The following DAB1 variants were observed in gnomAD, a reference collection of about 807,000 sequenced individuals.
DAB1 encodes the protein DAB adaptor protein 1.
Under a neutral mutation model 64.6 loss-of-function variants are expected in DAB1, and 15 were observed. That is an observed-to-expected ratio of 0.23 (90% CI 0.16 to 0.36). The LOEUF is 0.36. Ranked by LOEUF, DAB1 falls within the 10% of genes least tolerant of loss-of-function variation. The pLI is 1.00. For missense variants in DAB1, 596 were observed against 706.7 expected (o/e 0.84, Z 1.78); for synonymous variants, 235 against 251.9 (o/e 0.93, Z 0.64).
At chr1:57,523,105 C>T (rs1276429870) in intron 7 of DAB1, among the ~76,000 whole-genome samples, 1 of 152,170 alleles carries the variant, frequency 6.6e-6, no homozygotes, top group Non-Finnish European at 1.5e-5. Context: ...GCCAATTCTT[C>T]TTAATAAACT....
chr1:57,877,545 A>ATTTTT (rs58070219), intron 1 of DAB1, among the ~76,000 whole-genome samples: 7 of 65,038 alleles, frequency 1.1e-4, no homozygotes, highest in African/African-American at 1.9e-4. Context: ...TAATTGATTT[A>ATTTTT]TTTTTTTTTT....
In DAB1 at chr1:57,655,295, T is replaced by C. The variant is rs149703189; in HGVS notation, n.552-5630A>G. ...CATCCATCTATCCAACCACTCATCA[T>C]ACATCCAACCCATCCATCTATTCAT... On this transcript the variant is annotated intron_variant and non_coding_transcript_variant, in intron 6 of 20. Coordinates refer to the DAB1 transcript ENST00000485760. 4.9e-3 allele frequency among the ~76,000 whole-genome samples: 751 copies of C among 152,076 alleles called. 10 individuals carry two copies. The highest frequency in any genetic ancestry group is 0.017 in the African/African-American group (706 of 41,490).
intron 2 of DAB1, among the ~76,000 whole-genome samples, chr1:57,218,294 A>C (rs772986712): frequency 2.3e-4 from 35 of 152,140 alleles, no homozygotes; most frequent in Admixed American, 6.5e-5. Context: ...CTGGCCTCTC[A>C]AAATCCCACC....
chr1:58,305,830 C>T (rs947943517), intron 4 of DAB1, among the ~76,000 whole-genome samples: 2 of 152,168 alleles, frequency 1.3e-5, no homozygotes, highest in Non-Finnish European at 2.9e-5. Context: ...ATGCCTTGAA[C>T]AGGCCACATG....
intron 5 of DAB1, among the ~76,000 whole-genome samples, chr1:58,018,339 T>C (rs531437906): frequency 1.3e-5 from 2 of 152,284 alleles, no homozygotes; most frequent in East Asian, 1.9e-4. Flanking sequence ...TAACCTGTCC[T>C]AATGTCCCCA....
chr1:57,781,126 C>CTCTA (rs1557477160), intron 6 of DAB1, among the ~76,000 whole-genome samples: 3 of 27,726 alleles, frequency 1.1e-4, no homozygotes, highest in Admixed American at 5.7e-4. Context: ...CTCTCTCTCT[C>CTCTA]TATATATATA....
intron 7 of DAB1, among the ~76,000 whole-genome samples, chr1:57,486,990 G>A (rs1644100565): frequency 6.6e-6 from 1 of 151,470 alleles, no homozygotes; most frequent in Non-Finnish European, 1.5e-5. Flanking sequence ...CAACGACCTC[G>A]GCATATAAAT....
chr1:57,435,038 CTTT>C lies in DAB1; in HGVS notation n.626-143875_626-143873del, dbSNP rs913872134. 9.7e-4 allele frequency among the ~76,000 whole-genome samples: 127 copies of C among 130,608 alleles called. 1 individual carries two copies. The highest frequency in any genetic ancestry group is 3.5e-3 in the African/African-American group (122 of 34,694). 85.7% of individuals were successfully genotyped at this position (130,608 alleles called of 152,430 possible). A position where few individuals can be genotyped will look rare whatever the true frequency, so the allele number is the denominator to read the frequency against. On this transcript the variant is annotated intron_variant and non_coding_transcript_variant, in intron 7 of 20. Transcript: ENST00000485760. ...TTAAGCTTGACTCTCTTTTTCTTTTCTTTTTTTCTTTTTTTTTTTTTTTTTTTT... is the reference window on the plus strand; with the variant it reads ...TTAAGCTTGACTCTCTTTTTCTTTTCTTTTCTTTTTTTTTTTTTTTTTTTT...
At chr1:58,295,103 G>A (rs1330024690) in intron 4 of DAB1, among the ~76,000 whole-genome samples, 1 of 152,076 alleles carries the variant, frequency 6.6e-6, no homozygotes, top group Non-Finnish European at 1.5e-5. Flanking sequence ...CTCCTCTGAA[G>A]AGCTACAGTC....
At chr1:57,691,573 T>A (rs1472194674) in intron 6 of DAB1, among the ~76,000 whole-genome samples, 1 of 152,120 alleles carries the variant, frequency 6.6e-6, no homozygotes, top group Non-Finnish European at 1.5e-5. Flanking sequence ...GCTGTAACAT[T>A]CACTGTGAAG....
chr1:57,533,538 G>GATATATATAT (rs1558468342), intron 7 of DAB1, among the ~76,000 whole-genome samples: 2 of 63,116 alleles, frequency 3.2e-5, no homozygotes, highest in Admixed American at 2.2e-4. Context: ...ATTCATAACA[G>GATATATATAT]GTATATATAT....
chr1:57,184,395 T>C (rs1663311810), intron 2 of DAB1, among the ~76,000 whole-genome samples: 1 of 152,192 alleles, frequency 6.6e-6, no homozygotes, highest in African/African-American at 2.4e-5. Flanking sequence ...TCTTCTCCCC[T>C]CTGCAGCTGG....
At chr1:57,850,925 G>A (rs1208631668) in intron 1 of DAB1, among the ~76,000 whole-genome samples, 1 of 152,118 alleles carries the variant, frequency 6.6e-6, no homozygotes, top group Non-Finnish European at 1.5e-5. Flanking sequence ...TCTGCTAGGT[G>A]CTTTTAAGTT....
chr1:57,174,265 C>G (rs561277222), intron 2 of DAB1, among the ~76,000 whole-genome samples: 14 of 152,238 alleles, frequency 9.2e-5, no homozygotes, highest in African/African-American at 3.1e-4. Context: ...AATATCTGCT[C>G]TGGGCATTCC....
At chr1:57,069,950 A>G (rs1349108333) in intron 7 of DAB1, among the ~76,000 whole-genome samples, 1 of 152,144 alleles carries the variant, frequency 6.6e-6, no homozygotes, top group Non-Finnish European at 1.5e-5. Context: ...TTCCAAGTTC[A>G]TGTTTTGGGA....
At chr1:57,903,630 A>G (rs1644508255) in intron 5 of DAB1, among the ~76,000 whole-genome samples, 1 of 152,298 alleles carries the variant, frequency 6.6e-6, no homozygotes, top group South Asian at 2.1e-4. Flanking sequence ...ATCAGAAACT[A>G]TATCCCAATT....
chr1:57,588,427 T>C (rs575437570), intron 7 of DAB1, among the ~76,000 whole-genome samples: 1 of 152,342 alleles, frequency 6.6e-6, no homozygotes, highest in African/African-American at 2.4e-5. Flanking sequence ...TCCACATTAC[T>C]ATAAAATGAG....
chr1:57,832,250 T>C (rs895367441), intron 1 of DAB1, among the ~76,000 whole-genome samples: 1 of 151,886 alleles, frequency 6.6e-6, no homozygotes, highest in East Asian at 1.9e-4. Context: ...GAAGAGAGGG[T>C]GGGAAACAGA....
intron 11 of DAB1, among the ~76,000 whole-genome samples, chr1:57,021,559 C>T (rs755167032): frequency 2.6e-5 from 4 of 152,158 alleles, no homozygotes; most frequent in Non-Finnish European, 5.9e-5. Flanking sequence ...GTAAGACATT[C>T]CTTTGCTCCT....
Sources: gnomAD v4.1 joint callset for allele counts (sites outside exome capture counted in the v4.1 genomes callset) on GRCh38, gnomAD v4.1.1 for gene constraint, MANE v1.5 for transcripts, NCBI Gene and HGNC (gene_info 2026-07-23, HGNC 2026-07-21) for gene names.